Variants in PCNP observed in about 807,000 individuals in gnomAD.
PCNP encodes the protein PEST proteolytic signal containing nuclear protein.
Under a neutral mutation model 21.8 loss-of-function variants are expected in PCNP, and 6 were observed. That is an observed-to-expected ratio of 0.28 (90% CI 0.15 to 0.54). The LOEUF is 0.54. Among genes scored for constraint, PCNP ranks in the 20% least tolerant of loss-of-function variants. The pLI is 0.95. For synonymous variants in PCNP, 67 were observed against 73.2 expected, an observed-to-expected ratio of 0.92 and a Z score of 0.43; for missense variants, 161 against 215.5, an observed-to-expected ratio of 0.75 and a Z score of 1.58.
chr3:101,587,289 A>G (rs1453351788), intron 3 of PCNP, among the ~76,000 whole-genome samples: 2 of 152,048 alleles, frequency 1.3e-5, no homozygotes, highest in Non-Finnish European at 2.9e-5. Context: ...CTAGCTATCA[A>G]TTTTCAGGTC....
rs1163851609 is a variant in PCNP, at chr3:101,592,854, T to C, written c.*101T>C. On this transcript the variant is annotated 3_prime_UTR_variant, in exon 5 of 5. Transcript: ENST00000265260. ...AGACTATCTTTGGAGCCGCTTTTTT[T>C]TTCTTTTTCATTTTTTTAAAAGATT... The C allele has an allele frequency of 9.3e-7, 1 of 1,080,582 alleles. No homozygotes were observed. The highest frequency in any genetic ancestry group is 2.7e-5 in the East Asian group (1 of 36,546). 66.9% of individuals were successfully genotyped at this position (1,080,582 alleles called of 1,614,324 possible).
intron 4 of PCNP, 101 bp from the exon 5 acceptor site, chr3:101,592,526 T>G: frequency 2.2e-6 from 2 of 925,022 alleles, no homozygotes; most frequent in Non-Finnish European, 3.2e-6. Context: ...TCAGTCTGTG[T>G]TTATAATAGG....
chr3:101,587,272 T>C (rs1204769243), intron 3 of PCNP, among the ~76,000 whole-genome samples: 1 of 151,974 alleles, frequency 6.6e-6, no homozygotes, highest in Non-Finnish European at 1.5e-5. Flanking sequence ...AAAATACTTT[T>C]GTAAGCCTAG....
intron 2 of PCNP, among the ~76,000 whole-genome samples, chr3:101,580,269 G>T (rs1211494918): frequency 6.6e-5 from 10 of 152,134 alleles, no homozygotes; most frequent in Admixed American, 6.6e-4. Context: ...AATAAACTTA[G>T]AATTTTTCTG....
intron 2 of PCNP, among the ~76,000 whole-genome samples, chr3:101,583,817 A>AT (rs564200727): frequency 0.22 from 22,715 of 104,022 alleles, 3,432 homozygotes; most frequent in African/African-American, 0.24. Context: ...TATCCAGCTA[A>AT]TTTTTTTTTT....
Position 101,574,263 on chromosome 3 carries a change from A to T in PCNP, c.48A>T (p.Arg16=), listed in dbSNP as rs201974592. 1.4e-5 allele frequency: 21 copies of T among 1,545,204 alleles called. No homozygotes were observed. The highest frequency in any genetic ancestry group is 1.7e-5 in the Non-Finnish European group (20 of 1,143,534). Residue 16 remains arginine, a synonymous_variant, in exon 1 of 5, where the codon CGA becomes CGT. Coordinates refer to ENST00000265260, the MANE Select transcript of PCNP (RefSeq NM_020357.3). ...ACGAGAAGCCTGAAAAGTCGCAGCGAGCTGGAGCCGCCGGAGGTGAACACA... is the reference window on the plus strand; with the variant it reads ...ACGAGAAGCCTGAAAAGTCGCAGCGTGCTGGAGCCGCCGGAGGTGAACACA... ...AGDEKPEKSQ[R]AGAAGGPEEE... is the part of the protein sequence containing the mutation.
intron 2 of PCNP, among the ~76,000 whole-genome samples, chr3:101,580,420 T>TA (rs987131898): frequency 2.5e-4 from 37 of 148,886 alleles, no homozygotes; most frequent in Middle Eastern, 3.5e-3. Context: ...AAAATATAAT[T>TA]AAAAAAAAAA....
intron 1 of PCNP, among the ~76,000 whole-genome samples, chr3:101,576,307 G>A (rs1043012930): frequency 6.6e-6 from 1 of 150,598 alleles, no homozygotes; most frequent in Non-Finnish European, 1.5e-5. Context: ...TGACCTGGGC[G>A]CACTGCAAAC....
chr3:101,590,334 A>G, intron 4 of PCNP, 64 bp downstream of exon 4: 1 of 864,842 alleles, frequency 1.2e-6, no homozygotes, highest in Non-Finnish European at 1.9e-6. Context: ...AATAACTTGC[A>G]CATGATTTCT....
chr3:101,583,582 C>T (rs1031605734), intron 2 of PCNP, among the ~76,000 whole-genome samples: 1 of 152,150 alleles, frequency 6.6e-6, no homozygotes, highest in Admixed American at 6.5e-5. Flanking sequence ...CACCACTGCA[C>T]TCCATCCTGG....
Position 101,593,396 on chromosome 3 carries a change from G to A in PCNP, c.*643G>A, listed in dbSNP as rs1935913271. On this transcript the variant is annotated 3_prime_UTR_variant, in exon 5 of 5. Coordinates refer to ENST00000265260, the MANE Select transcript of PCNP (RefSeq NM_020357.3). ...AGTCCACTTCACCTTAATGGGTCTT[G>A]TCTATCTTCATTAGTCTTCAAAGAA... 6.6e-6 allele frequency: 1 copy of A among 152,390 alleles called. No homozygotes were observed. 9.4% of individuals were successfully genotyped at this position (152,390 alleles called of 1,614,324 possible).
Position 101,592,611 on chromosome 3 carries a change from C to A in PCNP, c.411-16C>A. 6.4e-7 allele frequency: 1 copy of A among 1,574,172 alleles called. No homozygotes were observed. Among genetic ancestry groups the A allele is most frequent in the Non-Finnish European group, 8.6e-7 (1 of 1,164,280 alleles). On this transcript the variant is annotated splice_polypyrimidine_tract_variant and intron_variant, in intron 4 of 4. Transcript: ENST00000265260. ...TTATATAACATTTTAAATAAATTTTCTTTCTTTTAACACAGGGATACACCA... is the reference window on the plus strand; with the variant it reads ...TTATATAACATTTTAAATAAATTTTATTTCTTTTAACACAGGGATACACCA...
chr3:101,585,297 G>A (rs1273695439), intron 2 of PCNP, 140 bp from the exon 3 acceptor site: 10 of 546,930 alleles, frequency 1.8e-5, no homozygotes, highest in Middle Eastern at 4.6e-4. Context: ...GAATGGATTT[G>A]TCCAAAGTAT....
chr3:101,590,059 G>A (rs976657927), intron 3 of PCNP, 156 bp from the exon 4 acceptor site: 3 of 607,888 alleles, frequency 4.9e-6, no homozygotes, highest in African/African-American at 1.9e-5. Context: ...TTTTTTAAAT[G>A]TAGTTAAGGT....
At chr3:101,577,022 T>G (rs902500546) in intron 1 of PCNP, 4 of 790,734 alleles carry the variant, frequency 5.1e-6, no homozygotes, top group Non-Finnish European at 9.1e-6. Context: ...AGACGAGATT[T>G]CACCATGTTG....
At chr3:101,590,310 G>A (rs1338368093) in intron 4 of PCNP, 40 bp downstream of exon 4, 10 of 1,045,044 alleles carry the variant, frequency 9.6e-6, no homozygotes, top group Non-Finnish European at 1.3e-5. Context: ...AAGATACAAA[G>A]GTGAATTAAC....
chr3:101,585,188 A>T (rs1935433475), intron 2 of PCNP, among the ~76,000 whole-genome samples: 1 of 152,158 alleles, frequency 6.6e-6, no homozygotes, highest in Non-Finnish European at 1.5e-5. Context: ...GATATTGTAG[A>T]TCCTAACTAG....
At chr3:101,590,095 T>G (rs1489848891) in intron 3 of PCNP, 120 bp from the exon 4 acceptor site, 2 of 658,690 alleles carry the variant, frequency 3.0e-6, no homozygotes, top group African/African-American at 3.7e-5. Context: ...TTTCTCCTTT[T>G]ACCAAAATTT....
intron 2 of PCNP, among the ~76,000 whole-genome samples, chr3:101,583,349 G>T (rs1375516755): frequency 6.6e-6 from 1 of 152,176 alleles, no homozygotes; most frequent in Non-Finnish European, 1.5e-5. Flanking sequence ...AGTTACTTGG[G>T]AGGCTGAGGC....
Sources: allele counts gnomAD v4.1 joint callset (sites outside exome capture counted in the v4.1 genomes callset), GRCh38; gene constraint gnomAD v4.1.1; transcripts MANE v1.5; gene names NCBI Gene and HGNC (gene_info 2026-07-23, HGNC 2026-07-21).